CNTN3: variants seen among roughly 807,000 people sequenced by gnomAD.
CNTN3 encodes the protein contactin 3, also known as contactin-3.
In CNTN3, 60 loss-of-function variants were observed where a neutral mutation model predicts 119.1. The observed-to-expected ratio is 0.50, with a 90% CI of 0.41 to 0.62. CNTN3 has a LOEUF of 0.62. Among genes scored for constraint, CNTN3 ranks in the 20% least tolerant of loss-of-function variants. The pLI is 0.00. For missense variants in CNTN3, 1,101 were observed against 1,242.4 expected, an observed-to-expected ratio of 0.89 and a Z score of 1.71; for synonymous variants, 450 against 438.7, an observed-to-expected ratio of 1.03 and a Z score of -0.32.
At chr3:74,494,378 T>C (rs1703021655) in intron 3 of CNTN3, among the ~76,000 whole-genome samples, 1 of 152,166 alleles carries the variant, frequency 6.6e-6, no homozygotes, top group South Asian at 2.1e-4. Flanking sequence ...TTTATGTCTC[T>C]GCTGGGTATT....
intron 13 of CNTN3, among the ~76,000 whole-genome samples, chr3:74,311,607 C>T (rs578070641): frequency 4.2e-4 from 64 of 152,232 alleles, no homozygotes; most frequent in African/African-American, 1.5e-3. Context: ...GATTTTCTTT[C>T]TGAAATTAGA....
intron 5 of CNTN3, among the ~76,000 whole-genome samples, chr3:74,408,041 T>C (rs919030968): frequency 6.6e-6 from 1 of 152,190 alleles, no homozygotes; most frequent in African/African-American, 2.4e-5. Context: ...TTAGCCAGAA[T>C]GGCCCAGACA....
chr3:74,544,894 G>A (rs926529811), intron 1 of CNTN3, among the ~76,000 whole-genome samples: 5 of 152,068 alleles, frequency 3.3e-5, no homozygotes, highest in African/African-American at 4.8e-5. Context: ...CACCATGCCC[G>A]GCCGATGAAT....
At chr3:74,437,407 A>C (rs1355428257) in intron 4 of CNTN3, among the ~76,000 whole-genome samples, 1 of 152,104 alleles carries the variant, frequency 6.6e-6, no homozygotes, top group Non-Finnish European at 1.5e-5. Context: ...GCTTGCAGTG[A>C]GCCGAGATCG....
intron 8 of CNTN3, 117 bp from the exon 9 acceptor site, chr3:74,365,819 G>T: frequency 8.7e-7 from 1 of 1,146,184 alleles, no homozygotes; most frequent in Non-Finnish European, 1.2e-6. Flanking sequence ...ATGAGTAACA[G>T]ATTGAAGTGA....
At chr3:74,595,553 G>T (rs981930711) in intron 1 of CNTN3, among the ~76,000 whole-genome samples, 2 of 152,072 alleles carry the variant, frequency 1.3e-5, no homozygotes, top group African/African-American at 4.8e-5. Flanking sequence ...ATCAATAAAT[G>T]TAATCCAGCA....
intron 4 of CNTN3, among the ~76,000 whole-genome samples, chr3:74,470,229 G>A (rs1450384607): frequency 2.0e-5 from 3 of 151,982 alleles, no homozygotes; most frequent in African/African-American, 7.3e-5. Flanking sequence ...GTTTCTTTGG[G>A]GTATGATAAT....
intron 13 of CNTN3, among the ~76,000 whole-genome samples, chr3:74,305,232 C>T (rs1054420681): frequency 2.6e-5 from 4 of 151,386 alleles, no homozygotes; most frequent in Non-Finnish European, 4.4e-5. Context: ...CATGTGTAGA[C>T]GACGGCAAAA....
At chr3:74,536,079 G>A (rs1012671489) in intron 1 of CNTN3, among the ~76,000 whole-genome samples, 18 of 151,922 alleles carry the variant, frequency 1.2e-4, no homozygotes, top group East Asian at 1.9e-4. Context: ...GAGACAGGAC[G>A]CATCTCTTTC....
chr3:74,344,851 G>A (rs1703652797), intron 11 of CNTN3, among the ~76,000 whole-genome samples: 1 of 147,688 alleles, frequency 6.8e-6, no homozygotes, highest in Non-Finnish European at 1.5e-5. Flanking sequence ...ATGTGTGTGT[G>A]CACATATGTA....
chr3:74,267,414 G>A (rs777516228), intron 20 of CNTN3, 36 bp from the exon 21 acceptor site: 76 of 1,407,884 alleles, frequency 5.4e-5, no homozygotes, highest in Non-Finnish European at 7.5e-5. Flanking sequence ...AAAACAGATC[G>A]AAGTACAAGT....
intron 20 of CNTN3, among the ~76,000 whole-genome samples, chr3:74,278,360 C>A (rs1701922896): frequency 6.6e-6 from 1 of 152,226 alleles, no homozygotes; most frequent in African/African-American, 2.4e-5. Context: ...TCAAACTATA[C>A]TATAAGGCCA....
intron 8 of CNTN3, among the ~76,000 whole-genome samples, chr3:74,366,730 A>G (rs72894347): frequency 0.055 from 7,871 of 142,020 alleles, 807 homozygotes; most frequent in African/African-American, 0.2. Context: ...TAATGTATTC[A>G]TCTAAGTTTT....
intron 1 of CNTN3, among the ~76,000 whole-genome samples, chr3:74,605,699 C>T (rs1252068119): frequency 6.6e-6 from 1 of 152,142 alleles, no homozygotes; most frequent in East Asian, 1.9e-4. Context: ...ACCTGTGTTT[C>T]TCAAGGAGGC....
intron 5 of CNTN3, among the ~76,000 whole-genome samples, chr3:74,418,711 A>G (rs955053370): frequency 2.0e-5 from 3 of 152,086 alleles, no homozygotes; most frequent in Non-Finnish European, 2.9e-5. Flanking sequence ...TTTTATTTTG[A>G]CACTACCTAT....
intron 2 of CNTN3, among the ~76,000 whole-genome samples, chr3:74,505,870 A>G (rs959009975): frequency 6.6e-6 from 1 of 152,154 alleles, no homozygotes; most frequent in Non-Finnish European, 1.5e-5. Context: ...TAACACCAAT[A>G]AAAGTGATGA....
chr3:74,473,988 T>C (rs1356216740), intron 4 of CNTN3, among the ~76,000 whole-genome samples: 1 of 152,178 alleles, frequency 6.6e-6, no homozygotes, highest in Non-Finnish European at 1.5e-5. Context: ...GGTATCGATA[T>C]GTTCAGCATG....
chr3:74,523,322 A>G (rs1350182640), intron 1 of CNTN3, among the ~76,000 whole-genome samples: 2 of 151,882 alleles, frequency 1.3e-5, no homozygotes, highest in Non-Finnish European at 2.9e-5. Flanking sequence ...AGAGTGGAAA[A>G]CCAATAATGT....
At chr3:74,432,172 A>C (rs149209876) in intron 4 of CNTN3, among the ~76,000 whole-genome samples, 2 of 152,186 alleles carry the variant, frequency 1.3e-5, no homozygotes, top group African/African-American at 4.8e-5. Flanking sequence ...GCTGCCAATA[A>C]AAGAAATTTG....
Sources: gnomAD v4.1 joint callset for allele counts (sites outside exome capture counted in the v4.1 genomes callset) on GRCh38, gnomAD v4.1.1 for gene constraint, MANE v1.5 for transcripts, NCBI Gene and HGNC (gene_info 2026-07-23, HGNC 2026-07-21) for gene names.